Variants in FAH observed in about 807,000 individuals in gnomAD.
FAH encodes the protein fumarylacetoacetate hydrolase.
A neutral mutation model predicts 55.8 loss-of-function variants in FAH; 47 were observed. The ratio of observed to expected loss-of-function variants is 0.84; its 90% CI spans 0.67 to 1.07. The LOEUF (loss-of-function observed/expected upper bound fraction) is 1.07, where lower values mean the gene tolerates loss of function less well. Among genes scored for constraint, FAH ranks in the 50% least tolerant of loss-of-function variants. The pLI is 0.00. For missense variants in FAH, 495 were observed against 545.9 expected (o/e 0.91, Z 0.93); for synonymous variants, 199 against 207.7 (o/e 0.96, Z 0.36).
At position 80,168,293 on chromosome 15, in the gene FAH, C is replaced by G. The variant is rs1002962662; in HGVS notation, c.583C>G (p.Leu195Val). The G allele has an allele frequency of 1.7e-5, 27 of 1,611,504 alleles. No individual in the cohort carries two copies. In the African/African-American group the frequency reaches 3.2e-4, roughly 19 times the overall value. Reference sequence around the variant, plus strand: ...GCCTCCCGTATATGGTGCCTGCAAGCTCTTGGACATGGAGCTGGAAATGGT... The same window carrying G: ...GCCTCCCGTATATGGTGCCTGCAAGGTCTTGGACATGGAGCTGGAAATGGT... Reference protein sequence around the residue: ...SKPPVYGACKLLDMELEMAFF... With the variant: ...SKPPVYGACKVLDMELEMAFF... The change falls in exon 7 of 14, where the codon CTC becomes GTC. Residue 195 changes from leucine (L) to valine (V), a missense_variant. Coordinates refer to ENST00000561421, the MANE Select transcript of FAH (RefSeq NM_000137.4).
chr15:80,174,054 C>T (rs977745683), intron 9 of FAH, among the ~76,000 whole-genome samples: 1 of 152,162 alleles, frequency 6.6e-6, no homozygotes, highest in Admixed American at 6.5e-5. Flanking sequence ...CCTTGCAAGC[C>T]AGTTCTAGTG....
rs768359308 is a variant in FAH at position 80,172,208 on chromosome 15, T to C, written c.666T>C (p.His222=). ...LGEPIPISKA[H]EHIFGMVLMN... ...AGCCGATCCCCATTTCCAAGGCCCA[T>C]GAGCACATTTTTGGAATGGTCCTTA... The change falls in exon 8 of 14, where the codon CAT becomes CAC. Residue 222 remains histidine (H), a synonymous_variant. Transcript: ENST00000561421. 8.1e-6 allele frequency: 13 copies of C among 1,614,036 alleles called. No homozygotes were observed. The Admixed American group carries it at 1.2e-4, about 14-fold the overall frequency.
intron 4 of FAH, 145 bp downstream of exon 4, chr15:80,160,604 C>T: frequency 2.6e-6 from 2 of 764,064 alleles, no homozygotes; most frequent in East Asian, 2.6e-5. Flanking sequence ...GTTACCCGCT[C>T]CTCATCACTG....
At chr15:80,180,276 C>T in intron 12 of FAH, 51 bp downstream of exon 12, 1 of 1,444,838 alleles carries the variant, frequency 6.9e-7, no homozygotes, top group Non-Finnish European at 9.6e-7. Flanking sequence ...TCCCTGCTCC[C>T]CACACAGCCC....
At chr15:80,184,962 C>T (rs542074646) in intron 13 of FAH, among the ~76,000 whole-genome samples, 14 of 152,264 alleles carry the variant, frequency 9.2e-5, no homozygotes, top group Admixed American at 8.5e-4. Context: ...CTGTATCTCT[C>T]GTCTGGACCT....
chr15:80,173,333 C>G, intron 9 of FAH, 189 bp downstream of exon 9: 1 of 735,292 alleles, frequency 1.4e-6, no homozygotes, highest in East Asian at 2.7e-5. Flanking sequence ...CATCATTCTC[C>G]CTTGTGGTTT....
intron 1 of FAH, among the ~76,000 whole-genome samples, chr15:80,155,229 G>A (rs1399559183): frequency 6.6e-6 from 1 of 152,206 alleles, no homozygotes; most frequent in Non-Finnish European, 1.5e-5. Context: ...CTTCTGGAGA[G>A]AAGGAACCAC....
chr15:80,167,912 A>T, intron 5 of FAH, 140 bp from the exon 6 acceptor site: 1 of 706,154 alleles, frequency 1.4e-6, no homozygotes, highest in South Asian at 1.5e-5. Context: ...TCATCTGTGG[A>T]TGGAAACTTG....
intron 7 of FAH, among the ~76,000 whole-genome samples, chr15:80,171,174 A>C (rs2041237241): frequency 6.6e-6 from 1 of 152,098 alleles, no homozygotes; most frequent in Admixed American, 6.5e-5. Flanking sequence ...TACATGTGCC[A>C]TGTTGGCGTG....
rs759254019 is a variant in FAH, at chr15:80,160,458, A to G, written c.363A>G (p.Ile121Met). The change falls in exon 4 of 14, where the codon ATA (isoleucine) becomes ATG (methionine). Residue 121 changes from isoleucine (I) to methionine (M), a missense_variant and splice_region_variant. Ile to Met is a conservative substitution (Grantham distance 10). Transcript: ENST00000561421. ...CCACGATGCACCTTCCAGCCACCAT[A>G]GGTGAGTGCAGTCTCTTCACCAAGA... ...ASATMHLPAT[I>M]GDYTDFYSSR... 3.7e-6 allele frequency: 6 copies of G among 1,614,052 alleles called. No individual in the cohort carries two copies. Among genetic ancestry groups the G allele is most frequent in the Non-Finnish European group, 5.1e-6 (6 of 1,179,896 alleles).
At chr15:80,170,898 T>C (rs1212114943) in intron 7 of FAH, among the ~76,000 whole-genome samples, 3 of 152,186 alleles carry the variant, frequency 2.0e-5, no homozygotes, top group African/African-American at 4.8e-5. Flanking sequence ...TTCTTTCTAA[T>C]GATGCCTGGC....
chr15:80,185,391 G>T lies in FAH; in HGVS notation c.1181-739G>T, dbSNP rs74334216. On this transcript the variant is annotated intron_variant, in intron 13 of 13. Coordinates refer to ENST00000561421, the MANE Select transcript of FAH (RefSeq NM_000137.4). Reference sequence around the variant, plus strand: ...AAACTGAGGTCTAGAGGGACCCAAGGTTACAGAGCCAATAAGTAGAGGAGC... The same window carrying T: ...AAACTGAGGTCTAGAGGGACCCAAGTTTACAGAGCCAATAAGTAGAGGAGC... 3.3e-3 allele frequency among the ~76,000 whole-genome samples: 499 copies of T among 152,312 alleles called. 10 individuals are homozygous for T. The East Asian group carries it at 0.054, about 17-fold the overall frequency.
intron 2 of FAH, 149 bp downstream of exon 2, chr15:80,158,319 GAGAC>G (rs1197543437): frequency 4.1e-6 from 3 of 739,314 alleles, no homozygotes; most frequent in Non-Finnish European, 4.8e-6. Flanking sequence ...GGGTTGTTTT[GAGAC>G]AGACAAACTG....
chr15:80,185,711 C>G (rs2041364950), intron 13 of FAH, among the ~76,000 whole-genome samples: 1 of 152,192 alleles, frequency 6.6e-6, no homozygotes, highest in Admixed American at 6.5e-5. Flanking sequence ...AACATCAGAT[C>G]TCATGAGACT....
Position 80,186,221 on chromosome 15 carries a change from C to G in FAH, c.*12C>G. 1 of 1,611,028 alleles carries G rather than the reference C, an allele frequency of 6.2e-7. No homozygotes were observed. The highest frequency in any genetic ancestry group is 8.5e-7 in the Non-Finnish European group (1 of 1,177,276). ...TCCTGCCATCATGAGATTTTCTCTG[C>G]TCTTCTGGAAACAAAGGGCTCAAGC... On this transcript the variant is annotated 3_prime_UTR_variant, in exon 14 of 14. Transcript: ENST00000561421.
chr15:80,175,852 G>A (rs1182751477), intron 10 of FAH, among the ~76,000 whole-genome samples: 2 of 151,718 alleles, frequency 1.3e-5, no homozygotes, highest in Non-Finnish European at 3.0e-5. Context: ...TCATGCAAAG[G>A]TCTGGGACAG....
chr15:80,171,127 G>T (rs111674279), intron 7 of FAH, among the ~76,000 whole-genome samples: 216 of 150,510 alleles, frequency 1.4e-3, no homozygotes, highest in African/African-American at 4.2e-3. Flanking sequence ...AAGTTTTAGG[G>T]TACATGTGCA....
At chr15:80,182,395 T>G (rs958922683) in intron 13 of FAH, among the ~76,000 whole-genome samples, 1 of 152,224 alleles carries the variant, frequency 6.6e-6, no homozygotes, top group African/African-American at 2.4e-5. Context: ...AGCAGCCACA[T>G]AGTGCATGCC....
downstream of FAH, chr15:80,186,401 T>TGTAAA: frequency 1.5e-6 from 1 of 662,232 alleles, no homozygotes; most frequent in South Asian, 1.6e-5. Context: ...GGTCAAGGTG[T>TGTAAA]GTAAAGCCTC....
Sources: allele counts gnomAD v4.1 joint callset (sites outside exome capture counted in the v4.1 genomes callset), GRCh38; gene constraint gnomAD v4.1.1; transcripts MANE v1.5; gene names NCBI Gene and HGNC (gene_info 2026-07-23, HGNC 2026-07-21).